CYRIB: variants seen among roughly 807,000 people sequenced by gnomAD.
CYRIB encodes CYFIP-related Rac1 interactor B.
In CYRIB, 8 loss-of-function variants were observed where a neutral mutation model predicts 44.2. The ratio of observed to expected loss-of-function variants is 0.18; its 90% CI spans 0.11 to 0.33. CYRIB has a LOEUF of 0.33. CYRIB is among the 10% of genes least tolerant of loss of function. The pLI, the probability that CYRIB is intolerant of heterozygous loss-of-function variation, is 1.00. For missense variants in CYRIB, 185 were observed against 382.8 expected, an observed-to-expected ratio of 0.48 and a Z score of 4.31; for synonymous variants, 131 against 127.2, an observed-to-expected ratio of 1.03 and a Z score of -0.20.
chr8:129,936,646 T>C (rs1305366819), intron 1 of CYRIB, among the ~76,000 whole-genome samples: 1 of 151,976 alleles, frequency 6.6e-6, no homozygotes, highest in East Asian at 1.9e-4. Flanking sequence ...CACAAAATCA[T>C]GTCTATACTT....
chr8:129,881,283 G>C (rs2060715467), intron 2 of CYRIB, among the ~76,000 whole-genome samples: 1 of 152,128 alleles, frequency 6.6e-6, no homozygotes, highest in Non-Finnish European at 1.5e-5. Context: ...GGCAAACTAT[G>C]GTATCACGGC....
At chr8:130,010,789 C>G (rs918837157) in intron 1 of CYRIB, among the ~76,000 whole-genome samples, 1 of 152,138 alleles carries the variant, frequency 6.6e-6, no homozygotes, top group African/African-American at 2.4e-5. Flanking sequence ...CAGCCTGGCT[C>G]CTGAATGAAT....
At chr8:129,917,389 T>C (rs2081278899) in intron 1 of CYRIB, among the ~76,000 whole-genome samples, 3 of 152,308 alleles carry the variant, frequency 2.0e-5, no homozygotes, top group Middle Eastern at 3.4e-3. Context: ...ACTCCACCTC[T>C]AATCTTTTCT....
intron 3 of CYRIB, among the ~76,000 whole-genome samples, chr8:129,877,649 A>C (rs1207246172): frequency 7.5e-5 from 1 of 13,398 alleles, no homozygotes; most frequent in Non-Finnish European, 4.3e-4. Context: ...ACCTCATATC[A>C]AAAAAAAAAA....
chr8:129,982,781 T>A (rs373689443), intron 1 of CYRIB, among the ~76,000 whole-genome samples: 1 of 152,220 alleles, frequency 6.6e-6, no homozygotes, highest in South Asian at 2.1e-4. Flanking sequence ...AGCAGATCTC[T>A]AAAACCCTTG....
chr8:129,905,930 G>C (rs1166209673), intron 1 of CYRIB, among the ~76,000 whole-genome samples: 1 of 152,142 alleles, frequency 6.6e-6, no homozygotes, highest in East Asian at 1.9e-4. Context: ...CTCAAGTTAA[G>C]TGTTAAAATT....
At chr8:129,882,319 G>A (rs1226842014) in intron 2 of CYRIB, among the ~76,000 whole-genome samples, 2 of 152,104 alleles carry the variant, frequency 1.3e-5, no homozygotes, top group African/African-American at 2.4e-5. Flanking sequence ...TAAAACACAG[G>A]TAATTATAGT....
intron 1 of CYRIB, among the ~76,000 whole-genome samples, chr8:129,917,514 C>T (rs565941773): frequency 6.6e-6 from 1 of 152,204 alleles, no homozygotes; most frequent in South Asian, 2.1e-4. Flanking sequence ...GCATAGGACA[C>T]AAAGATCTCA....
chr8:129,879,117 T>C (rs946962659), intron 3 of CYRIB, among the ~76,000 whole-genome samples: 11 of 152,166 alleles, frequency 7.2e-5, no homozygotes, highest in African/African-American at 2.2e-4. Flanking sequence ...CATAAAAATG[T>C]TTTCATTAGA....
chr8:129,852,346 G>C lies in CYRIB; in HGVS notation c.517-68C>G. On this transcript the variant is annotated intron_variant, in intron 7 of 11. Transcript: ENST00000519824. ...TTACATATAATAACAATTATACAAG[G>C]ACCCAGGCAGGGTGCCTGCCTCAAT... 3 of 945,666 alleles carry C rather than the reference G, an allele frequency of 3.2e-6. No homozygotes were observed. The East Asian group carries it at 8.7e-5, about 27-fold the overall frequency. 58.6% of individuals were successfully genotyped at this position (945,666 alleles called of 1,614,324 possible). A position where few individuals can be genotyped will look rare whatever the true frequency, so the allele number is the denominator to read the frequency against.
At chr8:129,839,765 T>C (rs1175001654) in exon 12 of CYRIB, 1 of 152,242 alleles carries the variant, frequency 6.6e-6, no homozygotes, top group Non-Finnish European at 1.5e-5. Context: ...ACCGGTTTGC[T>C]AGCCCCTGGG....
exon 1 of CYRIB, chr8:130,016,404 G>C (rs1025667017): frequency 3.3e-5 from 5 of 149,408 alleles, no homozygotes; most frequent in African/African-American, 9.7e-5. Flanking sequence ...AGCGCGGCGC[G>C]GGAGCGCAGG....
chr8:129,882,385 T>C (rs1246020836), intron 2 of CYRIB, among the ~76,000 whole-genome samples: 1 of 152,240 alleles, frequency 6.6e-6, no homozygotes, highest in Non-Finnish European at 1.5e-5. Flanking sequence ...TGACTCAGTG[T>C]CTGGCACACA....
chr8:129,920,741 C>G (rs566121437), intron 1 of CYRIB, among the ~76,000 whole-genome samples: 115 of 152,096 alleles, frequency 7.6e-4, no homozygotes, highest in Non-Finnish European at 1.4e-3. Context: ...TAATTTAATA[C>G]CTTACAAAAA....
In CYRIB at chr8:129,893,947, C is replaced by T. The variant is rs547447834; in HGVS notation, c.-11+9365G>A. On this transcript the variant is annotated intron_variant, in intron 2 of 11. Transcript: ENST00000519824. The stretch of plus-strand genomic sequence containing the variant: ...ATTGTTCTGCTTTTCAATTTGCATA[C>T]GTGATATACTGTGCATTCTTTGAAA... 2.0e-4 allele frequency among the ~76,000 whole-genome samples: 30 copies of T among 151,800 alleles called. No individual in the cohort carries two copies. In the East Asian group the frequency reaches 3.3e-3, roughly 17 times the overall value.
At chr8:129,849,509 G>A (rs2042137715) in intron 9 of CYRIB, 140 bp from the exon 12 acceptor site, 1 of 716,270 alleles carries the variant, frequency 1.4e-6, no homozygotes, top group Non-Finnish European at 2.1e-6. Context: ...TTCACAAGTA[G>A]CCACACTGAT....
In CYRIB at chr8:129,854,137, T is replaced by C; in HGVS notation, c.516+129A>G. On this transcript the variant is annotated intron_variant, in intron 7 of 11. Transcript: ENST00000519824. Reference sequence around the variant, plus strand: ...CAGTTTGCTTTTCCTCCTACAGCTATGGCTGCCCATAATTACTAACTTTAT... The same window carrying C: ...CAGTTTGCTTTTCCTCCTACAGCTACGGCTGCCCATAATTACTAACTTTAT... 1.1e-5 allele frequency: 8 copies of C among 731,896 alleles called. 1 individual carries two copies. In the South Asian group the frequency reaches 1.3e-4, roughly 12 times the overall value. The allele number at this position is 731,896 out of a possible 1,614,324, so 45.3% of individuals were successfully genotyped here.
At chr8:129,956,568 A>G (rs1308273414) in intron 2 of CYRIB, among the ~76,000 whole-genome samples, 1 of 151,646 alleles carries the variant, frequency 6.6e-6, no homozygotes, top group Non-Finnish European at 1.5e-5. Context: ...CCTGCTCCCA[A>G]GTTCCATGAA....
intron 1 of CYRIB, among the ~76,000 whole-genome samples, chr8:130,007,811 A>G (rs1056896711): frequency 3.3e-5 from 5 of 152,014 alleles, no homozygotes; most frequent in African/African-American, 1.2e-4. Flanking sequence ...AACAAAGTAC[A>G]GGACACTTGC....
Sources: allele counts gnomAD v4.1 joint callset (sites outside exome capture counted in the v4.1 genomes callset), GRCh38; gene constraint gnomAD v4.1.1; transcripts MANE v1.5; gene names NCBI Gene and HGNC (gene_info 2026-07-23, HGNC 2026-07-21).